The following PCYT1A variants were observed in gnomAD, a reference collection of about 807,000 sequenced individuals.
The protein encoded by PCYT1A is choline-phosphate cytidylyltransferase A.
Under a neutral mutation model 43.7 loss-of-function variants are expected in PCYT1A, and 25 were observed. The ratio of observed to expected loss-of-function variants is 0.57; its 90% CI spans 0.42 to 0.80. The LOEUF (loss-of-function observed/expected upper bound fraction) is 0.80. PCYT1A is among the 30% of genes least tolerant of loss of function. PCYT1A has a pLI of 0.00. For missense variants in PCYT1A, 421 were observed against 474.2 expected, an observed-to-expected ratio of 0.89 and a Z score of 1.04; for synonymous variants, 172 against 170.7, an observed-to-expected ratio of 1.01 and a Z score of -0.06.
intron 5 of PCYT1A, among the ~76,000 whole-genome samples, chr3:196,245,023 C>T (rs1174527977): frequency 3.9e-5 from 6 of 152,108 alleles, no homozygotes; most frequent in South Asian, 2.1e-4. Flanking sequence ...GCTGACCTTC[C>T]GTCCACTATT....
In PCYT1A at chr3:196,238,770, T is replaced by G; in HGVS notation, c.1022A>C (p.Lys341Thr). 6.3e-7 allele frequency: 1 copy of G among 1,590,290 alleles called. No homozygotes were observed. Among genetic ancestry groups the G allele is most frequent in the Non-Finnish European group, 8.6e-7 (1 of 1,169,332 alleles). Residue 341 changes from lysine (K) to threonine (T), a missense_variant, in exon 9 of 9, where the codon AAG (lysine) becomes ACG (threonine). Transcript: ENST00000431016. ...SPSFRWPFSGKTSPPCSPANL... is the reference protein window; with the variant it reads ...SPSFRWPFSGTTSPPCSPANL... ...TGCTGGGGAGCAAGGTGGGGAAGTCTTGCCGGAGAAGGGCCATCGGAAAGA... is the reference window on the plus strand; with the variant it reads ...TGCTGGGGAGCAAGGTGGGGAAGTCGTGCCGGAGAAGGGCCATCGGAAAGA...
In PCYT1A at chr3:196,242,081, G is replaced by A; in HGVS notation, c.575C>T (p.Ala192Val). Residue 192 changes from alanine (A) to valine (V), a missense_variant, in exon 7 of 9, where the codon GCT becomes GTT. Physicochemically the swap from Ala to Val is moderately conservative, Grantham distance 64. Transcript: ENST00000431016. The surrounding 1 kb of genome is among the most constrained non-coding windows in gnomAD (Gnocchi z 4.2). ...GATACCTTCTGTCCTCTGTGTTGGAGCAAACATGCCTAACTCAGAAACACA... is the reference window on the plus strand; with the variant it reads ...GATACCTTCTGTCCTCTGTGTTGGAACAAACATGCCTAACTCAGAAACACA... ...YKHIKEAGMFAPTQRTEGIST... is the reference protein window; with the variant it reads ...YKHIKEAGMFVPTQRTEGIST... 5.0e-6 allele frequency: 8 copies of A among 1,613,976 alleles called. No homozygotes were observed. Among genetic ancestry groups the A allele is most frequent in the Non-Finnish European group, 6.8e-6 (8 of 1,179,996 alleles).
In PCYT1A at chr3:196,247,615, G is replaced by A; in HGVS notation, c.335-97C>T. On this transcript the variant is annotated intron_variant, in intron 4 of 8. Coordinates refer to ENST00000431016, the MANE Select transcript of PCYT1A (RefSeq NM_001312673.2). This position sits in a 1 kb window ranked among gnomAD's most constrained non-coding sequence, Gnocchi z 4.8. ...CCATCTTCTCCCACTGCTTAGGACT[G>A]CAACCATCTTCCCCAACTGGAAAAA... 8.5e-7 allele frequency: 1 copy of A among 1,183,276 alleles called. No homozygotes were observed. Among genetic ancestry groups the A allele is most frequent in the Non-Finnish European group, 1.3e-6 (1 of 795,000 alleles). The allele number at this position is 1,183,276 out of a possible 1,614,324, so 73.3% of individuals were successfully genotyped here.
chr3:196,277,338 G>T lies in PCYT1A; in HGVS notation c.-10-6797C>A, dbSNP rs1368484018. On this transcript the variant is annotated intron_variant, in intron 1 of 8. Transcript: ENST00000431016. This position sits in a 1 kb window ranked among gnomAD's most constrained non-coding sequence, Gnocchi z 4.1. ...TCTATTTTCTAAAGATGACTTTTGG[G>T]TTTTACATTATATTCTACACTGTTC... is the stretch of plus-strand genomic sequence containing the variant. Among the ~76,000 whole-genome samples, 1 of 151,980 alleles carries T rather than the reference G, an allele frequency of 6.6e-6. No homozygotes were observed. Among genetic ancestry groups the T allele is most frequent in the African/African-American group, 2.4e-5 (1 of 41,366 alleles).
chr3:196,238,976 C>T, intron 8 of PCYT1A, 82 bp from the exon 9 acceptor site: 1 of 752,736 alleles, frequency 1.3e-6, no homozygotes, highest in Non-Finnish European at 1.9e-6. Flanking sequence ...CTGGGATAGT[C>T]TATGCTGTAC....
rs2108776954 is a variant in PCYT1A, at chr3:196,268,363, T to C, written c.117+2052A>G. The stretch of plus-strand genomic sequence containing the variant: ...CTAAGAAATATTCAGAAACTAACAA[T>C]GCCCTGTTTTGTTGATTGCTGAGTC... On this transcript the variant is annotated intron_variant, in intron 2 of 8. Coordinates refer to ENST00000431016, the MANE Select transcript of PCYT1A (RefSeq NM_001312673.2). The surrounding 1 kb of genome is among the most constrained non-coding windows in gnomAD (Gnocchi z 4.4). Among the ~76,000 whole-genome samples the C allele has an allele frequency of 6.6e-6, 1 of 152,322 alleles. No individual in the cohort carries two copies. The highest frequency in any genetic ancestry group is 2.1e-4 in the South Asian group (1 of 4,832).
intron 1 of PCYT1A, among the ~76,000 whole-genome samples, chr3:196,284,206 C>T (rs1362688363): frequency 6.6e-6 from 1 of 152,116 alleles, no homozygotes; most frequent in African/African-American, 2.4e-5. Flanking sequence ...AGATATTTTG[C>T]TATTATCCAT....
rs1724181194 is a variant in PCYT1A, at chr3:196,236,920, G to T, written c.*1768C>A. The T allele has an allele frequency of 6.6e-6, 1 of 152,206 alleles. No individual in the cohort carries two copies. The highest frequency in any genetic ancestry group is 2.1e-4 in the South Asian group (1 of 4,828). 9.4% of individuals were successfully genotyped at this position (152,206 alleles called of 1,614,324 possible). A position where few individuals can be genotyped will look rare whatever the true frequency, so the allele number is the denominator to read the frequency against. On this transcript the variant is annotated 3_prime_UTR_variant, in exon 9 of 9. Coordinates refer to ENST00000431016, the MANE Select transcript of PCYT1A (RefSeq NM_001312673.2). Reference sequence around the variant, plus strand: ...GGCCTCAAGTGATCCACCAGCCTCAGTCTCCCAAAGTGCTGAGATGACAGG... The same window carrying T: ...GGCCTCAAGTGATCCACCAGCCTCATTCTCCCAAAGTGCTGAGATGACAGG...
intron 2 of PCYT1A, among the ~76,000 whole-genome samples, chr3:196,258,299 A>AG (rs903772876): frequency 1.3e-5 from 2 of 151,896 alleles, no homozygotes; most frequent in Non-Finnish European, 2.9e-5. Flanking sequence ...AAAAAAAAAA[A>AG]AAGAGTTTTT....
At chr3:196,269,309 A>G (rs1483963785) in intron 2 of PCYT1A, among the ~76,000 whole-genome samples, 1 of 152,220 alleles carries the variant, frequency 6.6e-6, no homozygotes, top group Non-Finnish European at 1.5e-5. Flanking sequence ...ATTTGGAATA[A>G]GTATTAACTG....
At position 196,237,039 on chromosome 3, in the gene PCYT1A, C is replaced by T. The variant is rs2342309; in HGVS notation, c.*1649G>A. On this transcript the variant is annotated 3_prime_UTR_variant, in exon 9 of 9. Transcript: ENST00000431016. ...ATGATTCTAGCCTCTGACCCTCAGG[C>T]GGAAAACTAGGTGTTACCAGAAAGT... 33,736 of 152,168 alleles carry T rather than the reference C, an allele frequency of 0.22. 5,247 individuals are homozygous for T. Among genetic ancestry groups the T allele is most frequent in the East Asian group, 0.75 (3,866 of 5,158 alleles). 9.4% of individuals were successfully genotyped at this position (152,168 alleles called of 1,614,324 possible).
intron 5 of PCYT1A, among the ~76,000 whole-genome samples, chr3:196,244,632 C>T (rs942555592): frequency 6.6e-5 from 10 of 152,228 alleles, no homozygotes; most frequent in Non-Finnish European, 1.0e-4. Context: ...ATGACGATGG[C>T]GGTTTTGTCG....
At chr3:196,245,343 T>C (rs1724528462) in intron 5 of PCYT1A, among the ~76,000 whole-genome samples, 1 of 152,144 alleles carries the variant, frequency 6.6e-6, no homozygotes, top group African/African-American at 2.4e-5. Flanking sequence ...TTTCACCGTG[T>C]TGGCCAGGCT....
Position 196,262,786 on chromosome 3 carries a change from C to CTT in PCYT1A, c.118-4901_118-4900dup, listed in dbSNP as rs200006356. Reference sequence around the variant, plus strand: ...GTACACTTTTTACTTTCTAAGGATTCTTTTTTTTTTTTTTTGGCTTTTTTT... The same window carrying CTT: ...GTACACTTTTTACTTTCTAAGGATTCTTTTTTTTTTTTTTTTTGGCTTTTTTT... On this transcript the variant is annotated intron_variant, in intron 2 of 8. Coordinates refer to ENST00000431016, the MANE Select transcript of PCYT1A (RefSeq NM_001312673.2). Among the ~76,000 whole-genome samples the CTT allele has an allele frequency of 5.6e-3, 769 of 138,234 alleles. 7 individuals carry two copies. Among genetic ancestry groups the CTT allele is most frequent in the East Asian group, 0.013 (64 of 4,752 alleles). 90.7% of individuals were successfully genotyped at this position (138,234 alleles called of 152,430 possible). A position where few individuals can be genotyped will look rare whatever the true frequency, so the allele number is the denominator to read the frequency against.
At chr3:196,276,001 G>T (rs1258845454) in intron 1 of PCYT1A, among the ~76,000 whole-genome samples, 3 of 151,550 alleles carry the variant, frequency 2.0e-5, no homozygotes, top group African/African-American at 7.3e-5. Flanking sequence ...GGAGGCTGAG[G>T]CAGGAGAATG....
chr3:196,285,496 G>C (rs1725884910), intron 1 of PCYT1A, among the ~76,000 whole-genome samples: 1 of 152,046 alleles, frequency 6.6e-6, no homozygotes, highest in Non-Finnish European at 1.5e-5. Context: ...AAAAAGGGCT[G>C]TAAGAGAGAA....
intron 5 of PCYT1A, among the ~76,000 whole-genome samples, chr3:196,244,267 A>G (rs1173389343): frequency 3.4e-5 from 4 of 118,382 alleles, no homozygotes; most frequent in African/African-American, 1.3e-4. Flanking sequence ...CTGGCCGCCC[A>G]TCGTCTGGGA....
intron 7 of PCYT1A, chr3:196,240,589 G>C (rs574912507): frequency 9.8e-5 from 15 of 152,378 alleles, no homozygotes; most frequent in African/African-American, 3.6e-4. Context: ...CTACTCAGGA[G>C]GCTGAGATGG....
Position 196,247,062 on chromosome 3 carries a change from G to A in PCYT1A, c.486+305C>T, listed in dbSNP as rs1250553057. Reference sequence around the variant, plus strand: ...AGCCCTGCCAATGGTGTAACTTGGAGCAGGTTATTTGGTTTCTCTAGCCCT... The same window carrying A: ...AGCCCTGCCAATGGTGTAACTTGGAACAGGTTATTTGGTTTCTCTAGCCCT... On this transcript the variant is annotated intron_variant, in intron 5 of 8. Transcript: ENST00000431016. The surrounding 1 kb of genome is among the most constrained non-coding windows in gnomAD (Gnocchi z 4.8). Among the ~76,000 whole-genome samples the A allele has an allele frequency of 1.3e-5, 2 of 152,176 alleles. No homozygotes were observed. Among genetic ancestry groups the A allele is most frequent in the Non-Finnish European group, 2.9e-5 (2 of 68,042 alleles).
Sources: gnomAD v4.1 joint callset for allele counts (sites outside exome capture counted in the v4.1 genomes callset) on GRCh38, gnomAD v4.1.1 for gene constraint, Gnocchi (gnomAD v3.1) non-coding constraint, MANE v1.5 for transcripts, NCBI Gene and HGNC (gene_info 2026-07-23, HGNC 2026-07-21) for gene names.